The following PTPN6 variants were observed in gnomAD, a reference collection of about 807,000 sequenced individuals.
The protein encoded by PTPN6 is tyrosine-protein phosphatase non-receptor type 6.
In PTPN6, 18 loss-of-function variants were observed where a neutral mutation model predicts 81.5. That is an observed-to-expected ratio of 0.22 (90% CI 0.15 to 0.33). The LOEUF (loss-of-function observed/expected upper bound fraction) is 0.33. PTPN6 is among the 10% of genes least tolerant of loss of function. The probability of loss-of-function intolerance (pLI) is 1.00; values close to 1 mark genes in which losing one functional copy is unlikely to be tolerated. For missense variants in PTPN6, 500 were observed against 794.2 expected (o/e 0.63, Z 4.45); for synonymous variants, 301 against 310.9 (o/e 0.97, Z 0.33).
In PTPN6 at chr12:6,956,240, G is replaced by C. The variant is rs782267956; in HGVS notation, c.924+19G>C. On this transcript the variant is annotated intron_variant, in intron 8 of 15. Transcript: ENST00000318974. The surrounding 1 kb of genome is among the most constrained non-coding windows in gnomAD (Gnocchi z 4.1). Reference sequence around the variant, plus strand: ...CATCAAGGTCAGCAGTGTGGGCCACGTGGGAGGAGAGGCTGGGCCCTGGGA... The same window carrying C: ...CATCAAGGTCAGCAGTGTGGGCCACCTGGGAGGAGAGGCTGGGCCCTGGGA... The C allele has an allele frequency of 1.2e-6, 2 of 1,613,496 alleles. No homozygotes were observed. The highest frequency in any genetic ancestry group is 2.2e-5 in the East Asian group (1 of 44,882).
rs1555149779 is a variant in PTPN6 at position 6,960,756 on chromosome 12, T to C, written c.1674-50T>C. On this transcript the variant is annotated intron_variant, in intron 14 of 15. Coordinates refer to ENST00000318974, the MANE Select transcript of PTPN6 (RefSeq NM_002831.6). This position sits in a 1 kb window ranked among gnomAD's most constrained non-coding sequence, Gnocchi z 6.1. ...CAGTGCCGGGTCCCCCTGTGCTGTC[T>C]CCTGACCTGCACCAACTGCCTGTAC... 1 of 1,551,792 alleles carries C rather than the reference T, an allele frequency of 6.4e-7. No homozygotes were observed. Among genetic ancestry groups the C allele is most frequent in the African/African-American group, 1.4e-5 (1 of 73,134 alleles).
chr12:6,954,833 C>T lies in PTPN6; in HGVS notation c.355C>T (p.Gln119Ter). The change falls in exon 4 of 16, where the codon CAG (glutamine) becomes TAG (stop). Residue 119 changes from glutamine to a stop codon, truncating the protein, a stop_gained. Coordinates refer to ENST00000318974, the MANE Select transcript of PTPN6 (RefSeq NM_002831.6). LOFTEE classifies it high-confidence loss of function. This position sits in a 1 kb window ranked among gnomAD's most constrained non-coding sequence, Gnocchi z 5.4. ...RWYHGHMSGG[Q>*]AETLLQAKGE... ...GTACCATGGCCACATGTCTGGCGGG[C>T]AGGCAGAGACGCTGCTGCAGGCCAA... 1.2e-6 allele frequency: 2 copies of T among 1,614,090 alleles called. No homozygotes were observed. Among genetic ancestry groups the T allele is most frequent in the Non-Finnish European group, 1.7e-6 (2 of 1,180,034 alleles).
rs782148837 is a variant in PTPN6, at chr12:6,951,407, G to A, written c.-106G>A. On this transcript the variant is annotated 5_prime_UTR_variant, in exon 1 of 16. Coordinates refer to ENST00000318974, the MANE Select transcript of PTPN6 (RefSeq NM_002831.6). This position sits in a 1 kb window ranked among gnomAD's most constrained non-coding sequence, Gnocchi z 7.2. Reference sequence around the variant, plus strand: ...ACCACCGGGGGTGGTGAGGCGGCCCGGCACTGGGAGCTGCATCTGAGGCTT... The same window carrying A: ...ACCACCGGGGGTGGTGAGGCGGCCCAGCACTGGGAGCTGCATCTGAGGCTT... 11 of 1,553,572 alleles carry A rather than the reference G, an allele frequency of 7.1e-6. No homozygotes were observed. In the East Asian group the frequency reaches 1.5e-4, roughly 21 times the overall value.
chr12:6,955,435 A>C lies in PTPN6; in HGVS notation c.697A>C (p.Lys233Gln). ...GAACCGAGTGTTGGAACTGAACAAG[A>C]AGCAGGAGTCCGAGGATACAGCCAA... ...IENRVLELNK[K>Q]QESEDTAKAG... The change falls in exon 6 of 16, where the codon AAG becomes CAG. Residue 233 changes from lysine (K) to glutamine (Q), a missense_variant. Lys to Gln is a moderately conservative substitution (Grantham distance 53). Coordinates refer to ENST00000318974, the MANE Select transcript of PTPN6 (RefSeq NM_002831.6). This position sits in a 1 kb window ranked among gnomAD's most constrained non-coding sequence, Gnocchi z 7.2. 1 of 1,614,088 alleles carries C rather than the reference A, an allele frequency of 6.2e-7. No individual in the cohort carries two copies. The highest frequency in any genetic ancestry group is 8.5e-7 in the Non-Finnish European group (1 of 1,180,004).
chr12:6,958,904 A>G (rs1263025274), intron 11 of PTPN6, among the ~76,000 whole-genome samples: 4 of 152,222 alleles, frequency 2.6e-5, no homozygotes, highest in Non-Finnish European at 5.9e-5. Flanking sequence ...ATGAGACCCT[A>G]TCGTTGTGGC....
chr12:6,953,847 G>C (rs782215030), intron 3 of PTPN6, among the ~76,000 whole-genome samples: 20 of 152,158 alleles, frequency 1.3e-4, no homozygotes, highest in Middle Eastern at 3.4e-3. Flanking sequence ...TCCGGGCAGG[G>C]GTGAGATGGG....
At position 6,955,302 on chromosome 12, in the gene PTPN6, C is replaced by G. The variant is rs782048033; in HGVS notation, c.633+35C>G. On this transcript the variant is annotated intron_variant, in intron 5 of 15. Transcript: ENST00000318974. This position sits in a 1 kb window ranked among gnomAD's most constrained non-coding sequence, Gnocchi z 7.2. The stretch of plus-strand genomic sequence containing the variant: ...GGGCCCAGCTGCCTCCCCACTTCCC[C>G]TGAGCTGTCCCCCAGATGTGAGCTT... 6 of 1,611,118 alleles carry G rather than the reference C, an allele frequency of 3.7e-6. No individual in the cohort carries two copies. In the South Asian group the frequency reaches 5.5e-5, roughly 15 times the overall value.
Position 6,956,547 on chromosome 12 carries a change from C to T in PTPN6, c.1053C>T (p.Thr351=), listed in dbSNP as rs1946035474. 1 of 1,613,774 alleles carries T rather than the reference C, an allele frequency of 6.2e-7. No individual in the cohort carries two copies. The highest frequency in any genetic ancestry group is 8.5e-7 in the Non-Finnish European group (1 of 1,180,012). Residue 351 remains threonine, a synonymous_variant, in exon 9 of 16, where the codon ACC becomes ACT. Coordinates refer to ENST00000318974, the MANE Select transcript of PTPN6 (RefSeq NM_002831.6). The surrounding 1 kb of genome is among the most constrained non-coding windows in gnomAD (Gnocchi z 4.1). ...QENSRVIVMT[T]REVEKGRNKC... The stretch of plus-strand genomic sequence containing the variant: ...ACAGCCGTGTCATCGTCATGACCAC[C>T]CGAGAGGTGGAGAAAGGCCGGGTAG...
In PTPN6 at chr12:6,952,665, G is replaced by C. The variant is rs114826802; in HGVS notation, c.326+488G>C. The stretch of plus-strand genomic sequence containing the variant: ...ATGCCTTGTCCCAGCCGCCCCGTGG[G>C]GATGGGTCTGTCCTGTGGGGTCAAA... On this transcript the variant is annotated intron_variant, in intron 3 of 15. Transcript: ENST00000318974. This position sits in a 1 kb window ranked among gnomAD's most constrained non-coding sequence, Gnocchi z 8.1. 9.9e-3 allele frequency: 2,551 copies of C among 256,444 alleles called. 50 individuals carry two copies. Among genetic ancestry groups the C allele is most frequent in the African/African-American group, 0.044 (2,000 of 45,032 alleles). 15.9% of individuals were successfully genotyped at this position (256,444 alleles called of 1,614,324 possible). A position where few individuals can be genotyped will look rare whatever the true frequency, so the allele number is the denominator to read the frequency against.
Position 6,957,930 on chromosome 12 carries a change from T to G in PTPN6, c.1218T>G (p.Ile406Met), listed in dbSNP as rs781934308. The change falls in exon 11 of 16, where the codon ATT becomes ATG. Residue 406 changes from isoleucine (I) to methionine (M), a missense_variant. Around this residue, in one of 6 missense-constraint regions of PTPN6, gnomAD observed 226 missense variants for 364.4 expected, o/e 0.62. Coordinates refer to ENST00000318974, the MANE Select transcript of PTPN6 (RefSeq NM_002831.6). The surrounding 1 kb of genome is among the most constrained non-coding windows in gnomAD (Gnocchi z 6.5). ...TGTCCTCGGCTTAGGGAGACCTGAT[T>G]CGGGAGATCTGGCATTACCAGTACC... ...QVSPLDNGDL[I>M]REIWHYQYLS... is the part of the protein sequence containing the mutation. 3.1e-6 allele frequency: 5 copies of G among 1,613,930 alleles called. No homozygotes were observed. Among genetic ancestry groups the G allele is most frequent in the Non-Finnish European group, 4.2e-6 (5 of 1,180,012 alleles).
chr12:6,953,398 C>T (rs1322577790), intron 3 of PTPN6: 1 of 152,122 alleles, frequency 6.6e-6, no homozygotes, highest in East Asian at 1.9e-4. Context: ...GAGCAGGGCC[C>T]CAGGAGGCCC....
chr12:6,955,712 G>A lies in PTPN6; in HGVS notation c.800G>A (p.Arg267Gln), dbSNP rs781848123. The change falls in exon 7 of 16, where the codon CGG (arginine) becomes CAG (glutamine). Residue 267 changes from arginine (R) to glutamine (Q), a missense_variant. Arg to Gln is a conservative substitution (Grantham distance 43, BLOSUM62 1). Transcript: ENST00000318974. This position sits in a 1 kb window ranked among gnomAD's most constrained non-coding sequence, Gnocchi z 7.2. ...KNLHQRLEGQ[R>Q]PENKGKNRYK... ...TTGCACCAGCGTCTGGAAGGGCAGC[G>A]GCCAGAGAACAAGGGCAAGAACCGC... 6.8e-6 allele frequency: 11 copies of A among 1,613,958 alleles called. No individual in the cohort carries two copies. Among genetic ancestry groups the A allele is most frequent in the East Asian group, 2.2e-5 (1 of 44,846 alleles).
chr12:6,959,924 C>T lies in PTPN6; in HGVS notation c.1362-3C>T, dbSNP rs782593562. 1.2e-6 allele frequency: 2 copies of T among 1,611,026 alleles called. No homozygotes were observed. Among genetic ancestry groups the T allele is most frequent in the South Asian group, 2.2e-5 (2 of 90,984 alleles). ...CTCTGATGGCACCCCCGTCTTTCCC[C>T]AGCGCCGGCATCGGCCGCACAGGCA... On this transcript the variant is annotated splice_region_variant and splice_polypyrimidine_tract_variant and intron_variant, in intron 11 of 15. Coordinates refer to ENST00000318974, the MANE Select transcript of PTPN6 (RefSeq NM_002831.6). This position sits in a 1 kb window ranked among gnomAD's most constrained non-coding sequence, Gnocchi z 6.6.
Position 6,956,129 on chromosome 12 carries a change from C to G in PTPN6, c.845-13C>G, listed in dbSNP as rs199639740. 1.9e-6 allele frequency: 3 copies of G among 1,613,950 alleles called. No homozygotes were observed. The highest frequency in any genetic ancestry group is 2.2e-5 in the East Asian group (1 of 44,896). On this transcript the variant is annotated splice_polypyrimidine_tract_variant and intron_variant, in intron 7 of 15. Transcript: ENST00000318974. The surrounding 1 kb of genome is among the most constrained non-coding windows in gnomAD (Gnocchi z 4.1). ...AACCCAGACCATCTCGCCTCCTCTC[C>G]GCCCACTCCCAGTTGACCACAGCCG...
In PTPN6 at chr12:6,959,096, A is replaced by T. The variant is rs951020983; in HGVS notation, c.1362-831A>T. ...CCCCAGCAGCTGTTTGTCCTGGGAC[A>T]GGGCAAGTCGGCTGAATCTAGAGGT... On this transcript the variant is annotated intron_variant, in intron 11 of 15. Transcript: ENST00000318974. This position sits in a 1 kb window ranked among gnomAD's most constrained non-coding sequence, Gnocchi z 6.6. Among the ~76,000 whole-genome samples, 1 of 152,198 alleles carries T rather than the reference A, an allele frequency of 6.6e-6. No individual in the cohort carries two copies. Among genetic ancestry groups the T allele is most frequent in the Non-Finnish European group, 1.5e-5 (1 of 68,034 alleles).
Position 6,960,231 on chromosome 12 carries a change from G to A in PTPN6, c.1573G>A (p.Val525Ile), listed in dbSNP as rs1555149492. 8.7e-6 allele frequency: 14 copies of A among 1,606,420 alleles called. No individual in the cohort carries two copies. Among genetic ancestry groups the A allele is most frequent in the Non-Finnish European group, 1.2e-5 (14 of 1,178,116 alleles). The stretch of plus-strand genomic sequence containing the variant: ...TGAAACCACTAAGAAGAAGCTGGAG[G>A]TCCTGCAGGTGCGTGCAGAGCAGGG... Reference protein sequence around the residue: ...FIETTKKKLEVLQSQKGQESE... With the variant: ...FIETTKKKLEILQSQKGQESE... Residue 525 changes from valine (V) to isoleucine (I), a missense_variant, in exon 13 of 16, where the codon GTC becomes ATC. Val to Ile is a conservative substitution (Grantham distance 29). Transcript: ENST00000318974. This position sits in a 1 kb window ranked among gnomAD's most constrained non-coding sequence, Gnocchi z 6.1.
Position 6,959,936 on chromosome 12 carries a change from C to G in PTPN6, c.1371C>G (p.Ile457Met). 3.1e-6 allele frequency: 5 copies of G among 1,607,324 alleles called. No individual in the cohort carries two copies. The highest frequency in any genetic ancestry group is 4.2e-6 in the Non-Finnish European group (5 of 1,177,878). Residue 457 changes from isoleucine (I) to methionine (M), a missense_variant, in exon 12 of 16, where the codon ATC becomes ATG. Coordinates refer to ENST00000318974, the MANE Select transcript of PTPN6 (RefSeq NM_002831.6). This position sits in a 1 kb window ranked among gnomAD's most constrained non-coding sequence, Gnocchi z 6.6. ...GPIIVHCSAGIGRTGTIIVID... is the reference protein window; with the variant it reads ...GPIIVHCSAGMGRTGTIIVID... ...CCCCGTCTTTCCCCAGCGCCGGCAT[C>G]GGCCGCACAGGCACCATCATTGTCA...
chr12:6,947,986 T>A (rs933542870), upstream of PTPN6, among the ~76,000 whole-genome samples: 1 of 151,940 alleles, frequency 6.6e-6, no homozygotes, highest in Non-Finnish European at 1.5e-5. Context: ...GGAGCTAGGA[T>A]GTTGAAAGTG....
upstream of PTPN6, chr12:6,951,170 G>A (rs184482392): frequency 5.5e-6 from 7 of 1,266,820 alleles, no homozygotes; most frequent in African/African-American, 9.1e-5. The surrounding 1 kb of genome is among the most constrained non-coding windows in gnomAD (Gnocchi z 7.2). Context: ...TGTCACATAT[G>A]TGCAATGCCA....
Sources: gnomAD v4.1 joint callset for allele counts (sites outside exome capture counted in the v4.1 genomes callset) on GRCh38, gnomAD v4.1.1 for gene constraint, gnomAD v4.1.1 regional missense constraint, Gnocchi (gnomAD v3.1) non-coding constraint, MANE v1.5 for transcripts, NCBI Gene and HGNC (gene_info 2026-07-23, HGNC 2026-07-21) for gene names.